PSD2: variants seen among roughly 807,000 people sequenced by gnomAD.
The protein encoded by PSD2 is PH and SEC7 domain-containing protein 2.
PSD2 carries 38 observed loss-of-function variants against 69.8 expected under a neutral mutation model. The observed-to-expected ratio is 0.54, with a 90% confidence interval of 0.42 to 0.71. The LOEUF (loss-of-function observed/expected upper bound fraction) is 0.71. Ranked by LOEUF, PSD2 falls within the 30% of genes least tolerant of loss-of-function variation. The pLI is 0.00. For missense variants in PSD2, 943 were observed against 1,014.5 expected, an observed-to-expected ratio of 0.93 and a Z score of 0.96; for synonymous variants, 412 against 423.0, an observed-to-expected ratio of 0.97 and a Z score of 0.32.
chr5:139,830,535 T>TTCCTTCCG (rs1760550324), intron 7 of PSD2, among the ~76,000 whole-genome samples: 1 of 124,714 alleles, frequency 8.0e-6, no homozygotes, highest in Non-Finnish European at 1.6e-5. Context: ...CCTTCCTTCC[T>TTCCTTCCG]TCCTTCCTTC....
chr5:139,792,974 G>A (rs1395670151), upstream of PSD2, among the ~76,000 whole-genome samples: 2 of 143,568 alleles, frequency 1.4e-5, no homozygotes, highest in Non-Finnish European at 3.0e-5. Context: ...TTTTGACTGA[G>A]TCTTGCTCTG....
rs1170987165 is a variant in PSD2, at chr5:139,824,391, CTTG to C, written c.1269+1610_1269+1612del. On this transcript the variant is annotated intron_variant, in intron 7 of 14. Transcript: ENST00000274710. ...CAGACACTGAGGCTTTCGTCTCTCT[CTTG>C]TTTTTTTTTTTTTTTTTTTTGAGAC... 1.8e-4 allele frequency among the ~76,000 whole-genome samples: 24 copies of C among 133,706 alleles called. No individual in the cohort carries two copies. The East Asian group carries it at 5.3e-3, about 29-fold the overall frequency. 87.7% of individuals were successfully genotyped at this position (133,706 alleles called of 152,430 possible).
the PSD2 span, among the ~76,000 whole-genome samples, chr5:139,763,106 G>T: frequency 6.6e-6 from 1 of 152,124 alleles, no homozygotes; most frequent in Non-Finnish European, 1.5e-5. Context: ...CCTCAGTGGG[G>T]TGCCTGAACA....
chr5:139,742,810 C>A, the PSD2 span, among the ~76,000 whole-genome samples: 1 of 152,160 alleles, frequency 6.6e-6, no homozygotes, highest in Non-Finnish European at 1.5e-5. Flanking sequence ...GGGAGCCGGG[C>A]TCAGGGAGGA....
upstream of PSD2, among the ~76,000 whole-genome samples, chr5:139,792,911 T>TTCCTTCCTTCCTTCC (rs1561587861): frequency 2.2e-5 from 2 of 90,830 alleles, no homozygotes; most frequent in African/African-American, 8.0e-5. Flanking sequence ...TCCTTCCTTC[T>TTCCTTCCTTCCTTCC]TTCTTTCTTT....
Position 139,836,864 on chromosome 5 carries a change from G to A in PSD2, c.1457G>A (p.Gly486Glu), listed in dbSNP as rs1410013289. Residue 486 changes from glycine to glutamate, a missense_variant, in exon 10 of 15, where the codon GGG becomes GAG. Physicochemically the swap from Gly to Glu is moderately conservative, Grantham distance 98 (BLOSUM62 -2). This residue lies in a region of PSD2 where 312 missense variants were observed against 400.7 expected (regional missense o/e 0.78). Coordinates refer to ENST00000274710, the MANE Select transcript of PSD2 (RefSeq NM_032289.4). ...TCTGAGCTGGTGGATGACAAGTTCG[G>A]GACAGGCACGAAGAAGGTGACGCGA... is the stretch of plus-strand genomic sequence containing the variant. The part of the protein sequence containing the change: ...SLSELVDDKF[G>E]TGTKKVTRIL... The A allele has an allele frequency of 2.5e-6, 4 of 1,614,170 alleles. No homozygotes were observed. In the East Asian group the frequency reaches 8.9e-5, roughly 36 times the overall value.
chr5:139,801,813 T>C (rs1048751667), intron 1 of PSD2, among the ~76,000 whole-genome samples: 14 of 152,212 alleles, frequency 9.2e-5, no homozygotes, highest in African/African-American at 3.1e-4. Flanking sequence ...CCAGTTTCTC[T>C]TCTTGAGCGG....
At chr5:139,767,228 C>T in the PSD2 span, among the ~76,000 whole-genome samples, 1 of 151,728 alleles carries the variant, frequency 6.6e-6, no homozygotes, top group Admixed American at 6.6e-5. Context: ...CTCCTGACCT[C>T]GTGATCCGCC....
the PSD2 span, among the ~76,000 whole-genome samples, chr5:139,750,361 A>G: frequency 6.6e-6 from 1 of 151,994 alleles, no homozygotes; most frequent in African/African-American, 2.4e-5. Flanking sequence ...AACCCAAAAT[A>G]TGAATATCTC....
Position 139,809,450 on chromosome 5 carries a change from G to T in PSD2, c.10G>T (p.Asp4Tyr), listed in dbSNP as rs1465400051. 1 of 1,611,204 alleles carries T rather than the reference G, an allele frequency of 6.2e-7. No individual in the cohort carries two copies. Among genetic ancestry groups the T allele is most frequent in the Non-Finnish European group, 8.5e-7 (1 of 1,179,338 alleles). Residue 4 changes from aspartate to tyrosine, a missense_variant, in exon 2 of 15, where the codon GAC (aspartate) becomes TAC (tyrosine). This residue lies in a region of PSD2 where 466 missense variants were observed against 445.0 expected (regional missense o/e 1.05). Coordinates refer to ENST00000274710, the MANE Select transcript of PSD2 (RefSeq NM_032289.4). MEEDKLLSAVPEEG... is the reference protein window; with the variant it reads MEEYKLLSAVPEEG... The stretch of plus-strand genomic sequence containing the variant: ...GGAAGCAGTGGCTGCCATGGAGGAG[G>T]ACAAGCTCTTATCTGCAGTGCCTGA...
At chr5:139,801,449 C>T (rs1349265226) in intron 1 of PSD2, among the ~76,000 whole-genome samples, 3 of 152,158 alleles carry the variant, frequency 2.0e-5, no homozygotes, top group African/African-American at 4.8e-5. Context: ...AAATACCTTC[C>T]TTGGCTTCCA....
chr5:139,819,922 C>A (rs962900768), intron 5 of PSD2, among the ~76,000 whole-genome samples: 4 of 152,176 alleles, frequency 2.6e-5, no homozygotes, highest in Non-Finnish European at 5.9e-5. Flanking sequence ...CACTGGAGAG[C>A]CGCAGAAGGT....
the PSD2 span, among the ~76,000 whole-genome samples, chr5:139,786,221 C>T: frequency 6.6e-6 from 1 of 151,908 alleles, no homozygotes; most frequent in African/African-American, 2.4e-5. Context: ...CCTGTCTCTA[C>T]AAAAAATTCA....
At chr5:139,766,828 C>CTTCTCTCTTTCTTTCTTTCTTTCT in the PSD2 span, among the ~76,000 whole-genome samples, 26 of 87,804 alleles carry the variant, frequency 3.0e-4, 3 homozygotes, top group African/African-American at 7.1e-4. Context: ...AAGTCCCTTC[C>CTTCTCTCTTTCTTTCTTTCTTTCT]TTCTTTCTTT....
At chr5:139,766,209 G>A in the PSD2 span, among the ~76,000 whole-genome samples, 3 of 152,212 alleles carry the variant, frequency 2.0e-5, no homozygotes, top group Non-Finnish European at 2.9e-5. Context: ...TACAATCTGA[G>A]CTGTGATTCG....
At chr5:139,785,294 G>C in the PSD2 span, among the ~76,000 whole-genome samples, 6 of 150,518 alleles carry the variant, frequency 4.0e-5, no homozygotes, top group East Asian at 9.8e-4. Flanking sequence ...TGCTATCTCG[G>C]CTTACTGCAA....
chr5:139,813,853 G>C, intron 3 of PSD2, 95 bp downstream of exon 3: 6 of 1,083,548 alleles, frequency 5.5e-6, no homozygotes, highest in South Asian at 4.8e-5. Context: ...AGTGTCCAGA[G>C]TCAGCATGCC....
intron 2 of PSD2, 77 bp from the exon 3 acceptor site, chr5:139,813,232 C>T (rs568658892): frequency 3.2e-6 from 4 of 1,260,334 alleles, no homozygotes; most frequent in African/African-American, 1.5e-5. Context: ...GGCTCCCAGA[C>T]ACAGATGAGT....
intron 5 of PSD2, among the ~76,000 whole-genome samples, chr5:139,818,477 T>C (rs150300213): frequency 3.6e-4 from 55 of 152,076 alleles, no homozygotes; most frequent in African/African-American, 1.2e-3. Context: ...GCCTGGGAGG[T>C]TGAGGCTACA....
Sources: gnomAD v4.1 joint callset for allele counts (sites outside exome capture counted in the v4.1 genomes callset) on GRCh38, gnomAD v4.1.1 for gene constraint, gnomAD v4.1.1 regional missense constraint, MANE v1.5 for transcripts, NCBI Gene and HGNC (gene_info 2026-07-23, HGNC 2026-07-21) for gene names.